Variants in VEPH1 observed in about 807,000 individuals in gnomAD.
The protein encoded by VEPH1 is ventricular zone expressed PH domain containing 1.
VEPH1 carries 80 observed loss-of-function variants against 85.2 expected under a neutral mutation model. The observed-to-expected ratio is 0.94, with a 90% CI of 0.78 to 1.13. The LOEUF (loss-of-function observed/expected upper bound fraction) is 1.13, where lower values mean the gene tolerates loss of function less well. Ranked by LOEUF, VEPH1 falls within the 50% of genes most tolerant of loss-of-function variation. The pLI is 0.00. For missense variants in VEPH1, 955 were observed against 980.5 expected, an observed-to-expected ratio of 0.97 and a Z score of 0.35; for synonymous variants, 297 against 348.0, an observed-to-expected ratio of 0.85 and a Z score of 1.63.
chr3:157,273,236 ATGCC>A lies in VEPH1; in HGVS notation c.2129-7578_2129-7575del, dbSNP rs1309287961. Among the ~76,000 whole-genome samples, 4 of 152,328 alleles carry A rather than the reference ATGCC, an allele frequency of 2.6e-5. No homozygotes were observed. In the East Asian group the frequency reaches 7.7e-4, roughly 29 times the overall value. ...TGATTCTCCCATTCTTCTATTCAAA[ATGCC>A]TTTATGGTTACCATGCACTAGGCAC... is the stretch of plus-strand genomic sequence containing the variant. On this transcript the variant is annotated intron_variant, in intron 12 of 13. Coordinates refer to ENST00000362010, the MANE Select transcript of VEPH1 (RefSeq NM_001167912.2).
chr3:157,465,883 A>C (rs1008002889), intron 3 of VEPH1, among the ~76,000 whole-genome samples: 5 of 152,218 alleles, frequency 3.3e-5, no homozygotes, highest in Non-Finnish European at 4.4e-5. Context: ...TCATGCAGTC[A>C]TCAACAGTGG....
intron 4 of VEPH1, among the ~76,000 whole-genome samples, chr3:157,458,258 C>A (rs1006847898): frequency 6.6e-6 from 1 of 151,982 alleles, no homozygotes; most frequent in Non-Finnish European, 1.5e-5. Flanking sequence ...CTATTACCTT[C>A]TTTATTAGTC....
At chr3:157,269,642 G>GTTTTTTTTTTTTTTTTTTTTTTTGTTTT (rs11408861) in intron 12 of VEPH1, among the ~76,000 whole-genome samples, 1 of 115,456 alleles carries the variant, frequency 8.7e-6, no homozygotes, top group Non-Finnish European at 1.7e-5. Flanking sequence ...TGTTTTTGTT[G>GTTTTTTTTTTTTTTTTTTTTTTTGTTTT]TTTTTTTTTT....
At chr3:157,368,258 A>T (rs1482759265) in intron 7 of VEPH1, among the ~76,000 whole-genome samples, 1 of 152,162 alleles carries the variant, frequency 6.6e-6, no homozygotes, top group African/African-American at 2.4e-5. Flanking sequence ...TCCAGTGACC[A>T]GATATTGGTT....
At chr3:157,344,644 A>G (rs548769336) in intron 9 of VEPH1, among the ~76,000 whole-genome samples, 32 of 152,326 alleles carry the variant, frequency 2.1e-4, no homozygotes, top group Non-Finnish European at 4.1e-4. Context: ...CAAGCTACCA[A>G]TGACTTTCTT....
intron 9 of VEPH1, among the ~76,000 whole-genome samples, chr3:157,346,229 ATCTCCAAAGGGCATTT>A (rs1724207173): frequency 1.3e-5 from 2 of 152,202 alleles, no homozygotes; most frequent in Admixed American, 1.3e-4. Context: ...TCTTCTTAAT[ATCTCCAAAGGGCATTT>A]CTTGATAAGA....
chr3:157,349,473 A>G (rs542254107), intron 9 of VEPH1, among the ~76,000 whole-genome samples: 1 of 152,382 alleles, frequency 6.6e-6, no homozygotes, highest in Admixed American at 6.5e-5. Context: ...GAACTGGAAC[A>G]GGATTAGGAT....
intron 9 of VEPH1, among the ~76,000 whole-genome samples, chr3:157,357,700 C>T (rs1453629246): frequency 1.3e-5 from 2 of 152,090 alleles, no homozygotes. Context: ...GCCATTTTGG[C>T]CAGGCTAGTC....
chr3:157,374,151 A>G (rs1727823057), intron 7 of VEPH1, among the ~76,000 whole-genome samples: 1 of 152,208 alleles, frequency 6.6e-6, no homozygotes, highest in South Asian at 2.1e-4. Flanking sequence ...GACGGGCCCA[A>G]AACCGAAGCC....
intron 4 of VEPH1, among the ~76,000 whole-genome samples, chr3:157,451,795 C>A (rs1207960547): frequency 6.6e-6 from 1 of 152,104 alleles, no homozygotes; most frequent in Non-Finnish European, 1.5e-5. Context: ...AAATGAAGAC[C>A]AGAGTGGCTC....
intron 13 of VEPH1, among the ~76,000 whole-genome samples, chr3:157,261,949 A>C (rs956429402): frequency 3.3e-5 from 5 of 152,214 alleles, no homozygotes; most frequent in African/African-American, 1.2e-4. Flanking sequence ...ACAATACCAA[A>C]GTCATCACAC....
intron 4 of VEPH1, 40 bp from the exon 5 acceptor site, chr3:157,428,528 G>A: frequency 6.3e-7 from 1 of 1,575,458 alleles, no homozygotes; most frequent in Non-Finnish European, 8.7e-7. Flanking sequence ...ACTTTATCAG[G>A]CCATGAGCAA....
intron 4 of VEPH1, among the ~76,000 whole-genome samples, chr3:157,429,474 T>C (rs1219342131): frequency 1.3e-5 from 2 of 152,198 alleles, no homozygotes; most frequent in Non-Finnish European, 2.9e-5. Context: ...AATATCTAAA[T>C]TTAACGAAAG....
At chr3:157,418,723 A>T (rs1280725536) in intron 5 of VEPH1, among the ~76,000 whole-genome samples, 2 of 152,222 alleles carry the variant, frequency 1.3e-5, no homozygotes, top group African/African-American at 4.8e-5. Flanking sequence ...GCTCATAGAT[A>T]GAAAGAATCA....
intron 4 of VEPH1, chr3:157,438,037 GCACACACACACACACA>G (rs781700719): frequency 1.4e-5 from 7 of 516,034 alleles, no homozygotes; most frequent in African/African-American, 8.3e-5. Context: ...GCGCGCGCGC[GCACACACACACACACA>G]CACACACACA....
At chr3:157,314,528 T>C (rs1313639792) in intron 10 of VEPH1, among the ~76,000 whole-genome samples, 2 of 152,032 alleles carry the variant, frequency 1.3e-5, no homozygotes, top group Non-Finnish European at 2.9e-5. Context: ...AAGGATGTTC[T>C]TTAACTGGAA....
chr3:157,419,532 A>G (rs1732174503), intron 5 of VEPH1, among the ~76,000 whole-genome samples: 1 of 152,340 alleles, frequency 6.6e-6, no homozygotes, highest in East Asian at 1.9e-4. Context: ...GCCACTACTC[A>G]AAAGAAGACA....
rs1265406240 is a variant in VEPH1 at position 157,346,311 on chromosome 3, C to G, written c.1735+17053G>C. Among the ~76,000 whole-genome samples the G allele has an allele frequency of 2.6e-5, 4 of 152,112 alleles. No individual in the cohort carries two copies. The South Asian group carries it at 8.3e-4, about 32-fold the overall frequency. On this transcript the variant is annotated intron_variant, in intron 9 of 13. Transcript: ENST00000362010. Reference sequence around the variant, plus strand: ...ATCAGAAGATCTTACAAAGTATACCCTGGTAGATAAAGCAAAAATGAATTT... The same window carrying G: ...ATCAGAAGATCTTACAAAGTATACCGTGGTAGATAAAGCAAAAATGAATTT...
At chr3:157,428,178 C>CA in intron 5 of VEPH1, 144 bp downstream of exon 5, 1 of 758,358 alleles carries the variant, frequency 1.3e-6, no homozygotes, top group Non-Finnish European at 2.0e-6. Context: ...ATTATACAAA[C>CA]AGAGTAAGTA....
Sources: gnomAD v4.1 joint callset for allele counts (sites outside exome capture counted in the v4.1 genomes callset) on GRCh38, gnomAD v4.1.1 for gene constraint, MANE v1.5 for transcripts, NCBI Gene and HGNC (gene_info 2026-07-23, HGNC 2026-07-21) for gene names.